Variants in RAP1A observed in about 807,000 individuals in gnomAD.
The protein encoded by RAP1A is ras-related protein Rap-1A.
In RAP1A, 6 loss-of-function variants were observed where a neutral mutation model predicts 26.4. The observed-to-expected ratio is 0.23, with a 90% CI of 0.12 to 0.45. RAP1A has a LOEUF of 0.45. RAP1A is among the 20% of genes least tolerant of loss of function. The pLI, the probability that RAP1A is intolerant of heterozygous loss-of-function variation, is 0.99. For synonymous variants in RAP1A, 73 were observed against 79.4 expected, an observed-to-expected ratio of 0.92 and a Z score of 0.43; for missense variants, 121 against 217.2, an observed-to-expected ratio of 0.56 and a Z score of 2.78.
intron 1 of RAP1A, among the ~76,000 whole-genome samples, chr1:111,657,055 TTAC>T (rs1398738611): frequency 6.6e-6 from 1 of 152,108 alleles, no homozygotes; most frequent in African/African-American, 2.4e-5. Context: ...TCTGAATTTT[TTAC>T]TACAATAGGT....
chr1:111,571,789 T>C (rs1335658047), intron 1 of RAP1A, among the ~76,000 whole-genome samples: 1 of 152,158 alleles, frequency 6.6e-6, no homozygotes, highest in South Asian at 2.1e-4. Flanking sequence ...GAAGAACATA[T>C]AACCCCAACT....
chr1:111,619,648 T>C, upstream of RAP1A: 1 of 390,726 alleles, frequency 2.6e-6, no homozygotes, highest in East Asian at 3.6e-5. Context: ...GGCTCCAGTG[T>C]GCGCGGCTCC....
intron 1 of RAP1A, among the ~76,000 whole-genome samples, chr1:111,656,671 T>G (rs901163754): frequency 2.0e-5 from 3 of 152,182 alleles, no homozygotes; most frequent in African/African-American, 7.2e-5. Flanking sequence ...TCTTCCTCTT[T>G]GAAATATTTT....
intron 1 of RAP1A, among the ~76,000 whole-genome samples, chr1:111,620,738 G>T (rs781497625): frequency 1.3e-5 from 2 of 152,156 alleles, no homozygotes; most frequent in Admixed American, 6.5e-5. Context: ...TTTTGTTAGG[G>T]AAGAGGTCAC....
rs940076669 is a variant in RAP1A at position 111,641,195 on chromosome 1, A to T, written c.-28+21261A>T. On this transcript the variant is annotated intron_variant, in intron 1 of 7. Transcript: ENST00000369709. ...CAATTCCTTTTGTTTTTAAGTCTTC[A>T]GGTGTAGCAATGAGACAAGAAGACT... 1.2e-4 allele frequency among the ~76,000 whole-genome samples: 18 copies of T among 152,318 alleles called. 3 individuals are homozygous for T. Among genetic ancestry groups the T allele is most frequent in the Admixed American group, 6.5e-4 (10 of 15,302 alleles).
chr1:111,561,916 G>T (rs903737806), intron 1 of RAP1A, among the ~76,000 whole-genome samples: 1 of 151,380 alleles, frequency 6.6e-6, no homozygotes, highest in Admixed American at 6.6e-5. Flanking sequence ...TCTCCTCCTT[G>T]CCCCTGGCCT....
intron 1 of RAP1A, among the ~76,000 whole-genome samples, chr1:111,637,473 T>C (rs1571516053): frequency 6.6e-6 from 1 of 152,216 alleles, no homozygotes; most frequent in East Asian, 1.9e-4. Flanking sequence ...AGAATAAGAA[T>C]TATTTTTTTG....
At chr1:111,677,142 T>A (rs1200164140) in intron 1 of RAP1A, among the ~76,000 whole-genome samples, 1 of 152,210 alleles carries the variant, frequency 6.6e-6, no homozygotes, top group African/African-American at 2.4e-5. Flanking sequence ...ACTCTTTGTG[T>A]CTGTCTTATT....
chr1:111,607,278 C>A (rs1658805206), intron 1 of RAP1A, among the ~76,000 whole-genome samples: 1 of 152,054 alleles, frequency 6.6e-6, no homozygotes, highest in Non-Finnish European at 1.5e-5. Flanking sequence ...CTTGCACTGC[C>A]CTTAATCCAT....
rs566226173 is a variant in RAP1A at position 111,548,260 on chromosome 1, AC to A, written c.-28+5754del. ...GGTCTCAAACTCCTGGCCTCAAGCG[AC>A]CCACCCACCTCGGCCTCCCAAAGTG... On this transcript the variant is annotated intron_variant, in intron 1 of 7. Transcript: ENST00000356415. 4.6e-5 allele frequency among the ~76,000 whole-genome samples: 7 copies of A among 152,170 alleles called. No individual in the cohort carries two copies. In the South Asian group the frequency reaches 1.5e-3, roughly 32 times the overall value.
intron 1 of RAP1A, among the ~76,000 whole-genome samples, chr1:111,664,167 A>G (rs772426461): frequency 6.6e-6 from 1 of 152,146 alleles, no homozygotes; most frequent in African/African-American, 2.4e-5. Context: ...TGAGGTCAGG[A>G]GTTCAAGACG....
Position 111,629,702 on chromosome 1 carries a change from T to C in RAP1A, c.-28+9768T>C, listed in dbSNP as rs570243870. Among the ~76,000 whole-genome samples the C allele has an allele frequency of 2.6e-5, 4 of 152,310 alleles. No individual in the cohort carries two copies. The East Asian group carries it at 7.7e-4, about 29-fold the overall frequency. ...AATAAGCAAATGTAACTCACAGTGCTCGTAGTGTTGGGGATTGTGTGCGTG... is the reference window on the plus strand; with the variant it reads ...AATAAGCAAATGTAACTCACAGTGCCCGTAGTGTTGGGGATTGTGTGCGTG... On this transcript the variant is annotated intron_variant, in intron 1 of 7. Transcript: ENST00000369709.
At chr1:111,598,124 C>T (rs901929059) in intron 1 of RAP1A, among the ~76,000 whole-genome samples, 2 of 152,182 alleles carry the variant, frequency 1.3e-5, no homozygotes, top group African/African-American at 4.8e-5. Context: ...GATTATATAA[C>T]TTAGGCTATT....
intron 1 of RAP1A, among the ~76,000 whole-genome samples, chr1:111,588,444 G>A (rs183547567): frequency 1.1e-4 from 17 of 152,142 alleles, no homozygotes; most frequent in East Asian, 9.7e-4. Flanking sequence ...AAAATACTTC[G>A]ATTGTTCTTC....
intron 1 of RAP1A, among the ~76,000 whole-genome samples, chr1:111,650,967 A>C (rs933134839): frequency 6.8e-4 from 103 of 152,080 alleles, no homozygotes; most frequent in African/African-American, 2.4e-3. Flanking sequence ...ACGCCCGGCT[A>C]ATTTTTTTGT....
At chr1:111,556,291 A>G (rs561320015) in intron 1 of RAP1A, among the ~76,000 whole-genome samples, 3 of 152,368 alleles carry the variant, frequency 2.0e-5, no homozygotes, top group South Asian at 4.1e-4. Flanking sequence ...TGGTGAGGCT[A>G]TAGAGAAATT....
chr1:111,554,588 A>T (rs1237368148), intron 1 of RAP1A, among the ~76,000 whole-genome samples: 7 of 152,248 alleles, frequency 4.6e-5, no homozygotes, highest in Admixed American at 2.6e-4. Flanking sequence ...ATTGCAAAGG[A>T]TCATATGCTC....
chr1:111,661,410 T>C (rs1282614228), intron 1 of RAP1A, among the ~76,000 whole-genome samples: 1 of 152,208 alleles, frequency 6.6e-6, no homozygotes, highest in Non-Finnish European at 1.5e-5. Flanking sequence ...TAGTCTGTTA[T>C]GGTTGATGGC....
chr1:111,621,735 A>T (rs1185173261), intron 1 of RAP1A, among the ~76,000 whole-genome samples: 1 of 152,220 alleles, frequency 6.6e-6, no homozygotes, highest in Non-Finnish European at 1.5e-5. Flanking sequence ...AATAAAGTTA[A>T]TAGGCATTTA....
Sources: gnomAD v4.1 joint callset for allele counts (sites outside exome capture counted in the v4.1 genomes callset) on GRCh38, gnomAD v4.1.1 for gene constraint, MANE v1.5 for transcripts, NCBI Gene and HGNC (gene_info 2026-07-23, HGNC 2026-07-21) for gene names.